SLC3A2: variants seen among roughly 807,000 people sequenced by gnomAD.
The protein encoded by SLC3A2 is solute carrier family 3 member 2, also known as amino acid transporter heavy chain SLC3A2.
In SLC3A2, 32 loss-of-function variants were observed where a neutral mutation model predicts 48.5. The observed-to-expected ratio is 0.66, with a 90% CI of 0.50 to 0.89. The LOEUF is 0.89. Ranked by LOEUF, SLC3A2 falls within the 40% of genes least tolerant of loss-of-function variation. The pLI is 0.00. For missense variants in SLC3A2, 587 were observed against 680.7 expected, an observed-to-expected ratio of 0.86 and a Z score of 1.53; for synonymous variants, 277 against 288.8, an observed-to-expected ratio of 0.96 and a Z score of 0.41.
Position 62,885,628 on chromosome 11 carries a change from TGTCACAGGGA to T in SLC3A2, c.1143+22_1143+31del. 5 of 1,613,314 alleles carry T rather than the reference TGTCACAGGGA, an allele frequency of 3.1e-6. No individual in the cohort carries two copies. Among genetic ancestry groups the T allele is most frequent in the Non-Finnish European group, 4.2e-6 (5 of 1,179,432 alleles). ...GGACAGGTACTGCTTGCTGTCTTTC[TGTCACAGGGA>T]GGTTGTTTATCCATCTTACAATGAT... On this transcript the variant is annotated intron_variant, in intron 7 of 8. Coordinates refer to ENST00000338663, the MANE Select transcript of SLC3A2 (RefSeq NM_001013251.3).
At chr11:62,882,104 G>A (rs1199116164) in intron 2 of SLC3A2, 38 bp downstream of exon 2, 1 of 1,611,072 alleles carries the variant, frequency 6.2e-7, no homozygotes, top group East Asian at 2.2e-5. Context: ...CAGCTAGAAA[G>A]GACTTGGCCA....
upstream of SLC3A2, among the ~76,000 whole-genome samples, chr11:62,877,124 G>A (rs1336950248): frequency 8.1e-5 from 12 of 147,504 alleles, no homozygotes; most frequent in African/African-American, 2.8e-4. Flanking sequence ...ACAGTGGTGC[G>A]ATCTGGGCTC....
intron 5 of SLC3A2, 56 bp downstream of exon 5, chr11:62,884,746 A>G (rs1471019785): frequency 8.0e-7 from 1 of 1,255,928 alleles, no homozygotes; most frequent in African/African-American, 1.6e-5. Context: ...CCCTCAGTGG[A>G]GTGCTAGGCC....
intron 1 of SLC3A2, among the ~76,000 whole-genome samples, chr11:62,859,296 T>C (rs2085372773): frequency 6.6e-6 from 1 of 152,160 alleles, no homozygotes; most frequent in Non-Finnish European, 1.5e-5. Context: ...GCACCGCCCT[T>C]AATCCATTGA....
intron 7 of SLC3A2, chr11:62,887,917 C>A: frequency 2.2e-6 from 1 of 449,818 alleles, no homozygotes; most frequent in Non-Finnish European, 4.1e-6. Context: ...CTCAGCCTCC[C>A]CAGTATCTGG....
At chr11:62,873,645 CT>C (rs563914907) in intron 1 of SLC3A2, among the ~76,000 whole-genome samples, 249 of 152,014 alleles carry the variant, frequency 1.6e-3, no homozygotes, top group African/African-American at 5.5e-3. Context: ...TAAAATCAAA[CT>C]TTTTTTTATA....
At position 62,881,295 on chromosome 11, in the gene SLC3A2, G is replaced by A. The variant is rs1204576331; in HGVS notation, c.272G>A (p.Gly91Asp). 6.3e-7 allele frequency: 1 copy of A among 1,579,364 alleles called. No homozygotes were observed. Residue 91 changes from glycine to aspartate, a missense_variant, in exon 1 of 9, where the codon GGC becomes GAC. Gly to Asp is a moderately conservative substitution (Grantham distance 94, BLOSUM62 -1). This residue lies in a region of SLC3A2 where 409 missense variants were observed against 446.7 expected (regional missense o/e 0.92). Coordinates refer to ENST00000338663, the MANE Select transcript of SLC3A2 (RefSeq NM_001013251.3). This position sits in a 1 kb window ranked among gnomAD's most constrained non-coding sequence, Gnocchi z 4.0. ...GCACTGCTGCTGCTCTTCTGGCTCG[G>A]CTGGCTCGGCATGCTTGCTGGTGCC... Reference protein sequence around the residue: ...RWALLLLFWLGWLGMLAGAVV... With the variant: ...RWALLLLFWLDWLGMLAGAVV...
At chr11:62,880,743 T>C (rs567670567), upstream of SLC3A2, 13 of 449,096 alleles carry the variant, frequency 2.9e-5, no homozygotes, top group Non-Finnish European at 5.1e-5. Flanking sequence ...AGATGAGAAA[T>C]TGGACCATGC....
At chr11:62,858,307 C>T (rs2085360404) in intron 1 of SLC3A2, among the ~76,000 whole-genome samples, 2 of 152,194 alleles carry the variant, frequency 1.3e-5, no homozygotes, top group Admixed American at 1.3e-4. Flanking sequence ...AGCCCTTTCA[C>T]AGCTCCAGCT....
In SLC3A2 at chr11:62,881,344, G is replaced by A; in HGVS notation, c.321G>A (p.Pro107=). 18 of 1,591,372 alleles carry A rather than the reference G, an allele frequency of 1.1e-5. No individual in the cohort carries two copies. The highest frequency in any genetic ancestry group is 1.4e-5 in the Non-Finnish European group (16 of 1,173,476). The stretch of plus-strand genomic sequence containing the variant: ...CCGTGGTCATAATCGTGCGAGCGCC[G>A]CGTTGTCGCGAGCTACCGGCGCAGA... ...AGAVVIIVRA[P]RCRELPAQKW... Residue 107 remains proline, a synonymous_variant, in exon 1 of 9, where the codon CCG becomes CCA. Transcript: ENST00000338663. This position sits in a 1 kb window ranked among gnomAD's most constrained non-coding sequence, Gnocchi z 4.0.
chr11:62,884,112 G>A (rs2085676440), intron 3 of SLC3A2: 1 of 488,666 alleles, frequency 2.0e-6, no homozygotes, highest in Admixed American at 2.3e-5. Flanking sequence ...CTCTAAAATA[G>A]GTATGCTAAC....
chr11:62,856,415 C>T, intron 1 of SLC3A2: 2 of 1,568,440 alleles, frequency 1.3e-6, no homozygotes, highest in Admixed American at 1.7e-5. Flanking sequence ...GGGAGGAGGT[C>T]CCCTTTGGTG....
At chr11:62,887,686 C>A (rs899559435) in intron 7 of SLC3A2, among the ~76,000 whole-genome samples, 1 of 133,912 alleles carries the variant, frequency 7.5e-6, no homozygotes, top group Non-Finnish European at 1.5e-5. Context: ...CTGAACAGAG[C>A]GAGACTCCGT....
chr11:62,864,808 G>A (rs905949977), intron 1 of SLC3A2, among the ~76,000 whole-genome samples: 1 of 150,592 alleles, frequency 6.6e-6, no homozygotes, highest in Non-Finnish European at 1.5e-5. Flanking sequence ...CCACTCTGTC[G>A]CCTAGGCTGG....
chr11:62,882,947 G>A lies in SLC3A2; in HGVS notation c.638G>A (p.Gly213Asp), dbSNP rs749500479. ...VILDLTPNYR[G>D]ENSWFSTQVD... ...CTGGACCTTACTCCCAACTACCGGGGTGAGAACTCGTGGTTCTCCACTCAG... is the reference window on the plus strand; with the variant it reads ...CTGGACCTTACTCCCAACTACCGGGATGAGAACTCGTGGTTCTCCACTCAG... Residue 213 changes from glycine to aspartate, a missense_variant, in exon 3 of 9, where the codon GGT (glycine) becomes GAT (aspartate). Physicochemically the swap from Gly to Asp is moderately conservative, Grantham distance 94 (BLOSUM62 -1). Transcript: ENST00000338663. 6.2e-7 allele frequency: 1 copy of A among 1,614,086 alleles called. No homozygotes were observed.
chr11:62,864,832 A>G (rs1447618943), intron 1 of SLC3A2, among the ~76,000 whole-genome samples: 2 of 140,970 alleles, frequency 1.4e-5, no homozygotes, highest in Admixed American at 7.0e-5. Context: ...GCAGTGGTGC[A>G]ATCTCGGCTC....
upstream of SLC3A2, among the ~76,000 whole-genome samples, chr11:62,876,551 C>T (rs1391400784): frequency 6.6e-6 from 1 of 151,938 alleles, no homozygotes; most frequent in Non-Finnish European, 1.5e-5. Flanking sequence ...TCTCTGTAGT[C>T]TTTTTGTTTT....
At chr11:62,859,248 A>G (rs1026808078) in intron 1 of SLC3A2, among the ~76,000 whole-genome samples, 8 of 152,174 alleles carry the variant, frequency 5.3e-5, no homozygotes, top group South Asian at 2.1e-4. Context: ...CTTAAGGAGC[A>G]TGCTGCCTTC....
At chr11:62,880,799 C>G (rs952548212), upstream of SLC3A2, 1 of 879,986 alleles carries the variant, frequency 1.1e-6, no homozygotes, top group Non-Finnish European at 1.6e-6. Context: ...TACCCTGAGC[C>G]GCCCACGGCT....
Sources: gnomAD v4.1 joint callset for allele counts (sites outside exome capture counted in the v4.1 genomes callset) on GRCh38, gnomAD v4.1.1 for gene constraint, gnomAD v4.1.1 regional missense constraint, Gnocchi (gnomAD v3.1) non-coding constraint, MANE v1.5 for transcripts, NCBI Gene and HGNC (gene_info 2026-07-23, HGNC 2026-07-21) for gene names.